The following ZNF317 variants were observed in gnomAD, a reference collection of about 807,000 sequenced individuals.
The protein encoded by ZNF317 is KRAB-containing zinc finger protein 317.
A neutral mutation model predicts 23.4 loss-of-function variants in ZNF317; 17 were observed. The observed-to-expected ratio is 0.73, with a 90% CI of 0.50 to 1.09. The LOEUF is 1.09. Ranked by LOEUF, ZNF317 falls within the 50% of genes least tolerant of loss-of-function variation. ZNF317 has a pLI of 0.00. For synonymous variants in ZNF317, 317 were observed against 314.9 expected, an observed-to-expected ratio of 1.01 and a Z score of -0.07; for missense variants, 679 against 796.7, an observed-to-expected ratio of 0.85 and a Z score of 1.78.
chr19:9,158,313 C>T (rs576153311), intron 5 of ZNF317, among the ~76,000 whole-genome samples: 46 of 150,110 alleles, frequency 3.1e-4, no homozygotes, highest in South Asian at 4.2e-4. Flanking sequence ...TCTGATCATC[C>T]GCTTTCTGTC....
Position 9,154,155 on chromosome 19 carries a change from G to A in ZNF317, c.-92-1770G>A, listed in dbSNP as rs1343214190. Among the ~76,000 whole-genome samples the A allele has an allele frequency of 2.0e-5, 3 of 152,150 alleles. No individual in the cohort carries two copies. In the East Asian group the frequency reaches 5.8e-4, roughly 29 times the overall value. Reference sequence around the variant, plus strand: ...TCTCTTTGTCATAGAAGGAAAGGAGGAGGTCATAGATCAGTTGTGAGAAGA... The same window carrying A: ...TCTCTTTGTCATAGAAGGAAAGGAGAAGGTCATAGATCAGTTGTGAGAAGA... On this transcript the variant is annotated intron_variant, in intron 1 of 6. Transcript: ENST00000247956.
At chr19:9,150,898 C>T (rs545170223) in intron 1 of ZNF317, among the ~76,000 whole-genome samples, 1 of 152,308 alleles carries the variant, frequency 6.6e-6, no homozygotes, top group East Asian at 1.9e-4. Flanking sequence ...ATGACCTTGA[C>T]CAAGTGTCTC....
In ZNF317 at chr19:9,159,133, A is replaced by G. The variant is rs144251628; in HGVS notation, c.468+225A>G. ...GAAGATTTTTATAGCTGTGTCTCAG[A>G]TATTGAGTGTTGGGGCTCAATGCAG... is the stretch of plus-strand genomic sequence containing the variant. On this transcript the variant is annotated intron_variant, in intron 6 of 6. Transcript: ENST00000247956. 2.6e-3 allele frequency among the ~76,000 whole-genome samples: 402 copies of G among 152,338 alleles called. 2 individuals carry two copies. The highest frequency in any genetic ancestry group is 8.9e-3 in the African/African-American group (368 of 41,570).
chr19:9,155,645 A>G (rs2050774995), intron 1 of ZNF317, among the ~76,000 whole-genome samples: 3 of 152,238 alleles, frequency 2.0e-5, no homozygotes, highest in Non-Finnish European at 4.4e-5. Context: ...GTCTAGGACC[A>G]GAGTGTTTAA....
At chr19:9,158,199 C>G (rs2050807137) in intron 5 of ZNF317, 124 bp downstream of exon 5, 2 of 1,257,662 alleles carry the variant, frequency 1.6e-6, no homozygotes, top group East Asian at 5.4e-5. Flanking sequence ...CCTCTTTTTG[C>G]CCATCCATTC....
Position 9,161,005 on chromosome 19 carries a change from G to C in ZNF317, c.1360G>C (p.Ala454Pro). 1.1e-5 allele frequency: 17 copies of C among 1,614,232 alleles called. No homozygotes were observed. Among genetic ancestry groups the C allele is most frequent in the Non-Finnish European group, 1.4e-5 (16 of 1,180,044 alleles). ...ATACGGGTGCGATCTCTGCGGGAAA[G>C]CTTTCAGCGCGAGTTCAAACCTCAC... ...KPYGCDLCGK[A>P]FSASSNLTAH... The change falls in exon 7 of 7, where the codon GCT becomes CCT. Residue 454 changes from alanine to proline, a missense_variant. Coordinates refer to ENST00000247956, the MANE Select transcript of ZNF317 (RefSeq NM_020933.5). This position sits in a 1 kb window ranked among gnomAD's most constrained non-coding sequence, Gnocchi z 4.0.
chr19:9,161,138 T>C lies in ZNF317; in HGVS notation c.1493T>C (p.Val498Ala). 1 of 1,613,996 alleles carries C rather than the reference T, an allele frequency of 6.2e-7. No individual in the cohort carries two copies. The highest frequency in any genetic ancestry group is 8.5e-7 in the Non-Finnish European group (1 of 1,180,006). ...CGGAGGCACATGAGCGTTCACCTTG[T>C]AAAGAAACGAGTTGAGTGTAGGCAG... is the stretch of plus-strand genomic sequence containing the variant. Reference protein sequence around the residue: ...SRRRHMSVHLVKKRVECRQCG... With the variant: ...SRRRHMSVHLAKKRVECRQCG... The change falls in exon 7 of 7, where the codon GTA (valine) becomes GCA (alanine). Residue 498 changes from valine to alanine, a missense_variant. Physicochemically the swap from Val to Ala is moderately conservative, Grantham distance 64. Coordinates refer to ENST00000247956, the MANE Select transcript of ZNF317 (RefSeq NM_020933.5). The surrounding 1 kb of genome is among the most constrained non-coding windows in gnomAD (Gnocchi z 4.0).
Position 9,156,616 on chromosome 19 carries a change from G to C in ZNF317, c.30G>C (p.Thr10=). 1.2e-6 allele frequency: 2 copies of C among 1,613,584 alleles called. No individual in the cohort carries two copies. The highest frequency in any genetic ancestry group is 1.7e-6 in the Non-Finnish European group (2 of 1,179,812). The change falls in exon 3 of 7, where the codon ACG becomes ACC. Residue 10 remains threonine (T), a synonymous_variant. Transcript: ENST00000247956. ...GAACCCTGTTTTCTCCTCCAGCCAC[G>C]TCCACCCAGGATTCCACCTGTCTCC... MAALSPTFA[T]STQDSTCLQD... is the part of the protein sequence containing the mutation.
chr19:9,160,828 T>C lies in ZNF317; in HGVS notation c.1183T>C (p.Cys395Arg), dbSNP rs1202056503. ...GGAGAAGACCTACGAATGTAAAGAA[T>C]GCGGGAAATCCTTTGGCGATCTCGT... ...MVEKTYECKECGKSFGDLVSR... is the reference protein window; with the variant it reads ...MVEKTYECKERGKSFGDLVSR... Residue 395 changes from cysteine (C) to arginine (R), a missense_variant, in exon 7 of 7, where the codon TGC becomes CGC. By Grantham distance (180) the Cys-to-Arg change is radical. Coordinates refer to ENST00000247956, the MANE Select transcript of ZNF317 (RefSeq NM_020933.5). This position sits in a 1 kb window ranked among gnomAD's most constrained non-coding sequence, Gnocchi z 6.8. 6.2e-7 allele frequency: 1 copy of C among 1,614,134 alleles called. No individual in the cohort carries two copies. Among genetic ancestry groups the C allele is most frequent in the Non-Finnish European group, 8.5e-7 (1 of 1,180,034 alleles).
intron 1 of ZNF317, among the ~76,000 whole-genome samples, chr19:9,145,248 T>C (rs553360416): frequency 1.3e-4 from 20 of 152,240 alleles, no homozygotes; most frequent in Non-Finnish European, 2.4e-4. Context: ...TTTCACCATG[T>C]TGGCCAGGCA....
intron 1 of ZNF317, among the ~76,000 whole-genome samples, chr19:9,148,862 G>A (rs769409940): frequency 2.6e-5 from 4 of 152,150 alleles, no homozygotes; most frequent in South Asian, 2.1e-4. Flanking sequence ...GCTGGCAGGG[G>A]CATGTGACTA....
At chr19:9,148,162 C>G (rs2050704658) in intron 1 of ZNF317, among the ~76,000 whole-genome samples, 1 of 152,144 alleles carries the variant, frequency 6.6e-6, no homozygotes, top group Non-Finnish European at 1.5e-5. Context: ...GAACTGTGAG[C>G]CAATTAAACC....
chr19:9,141,570 A>G (rs2050629976), intron 1 of ZNF317, among the ~76,000 whole-genome samples: 1 of 152,230 alleles, frequency 6.6e-6, no homozygotes, highest in Non-Finnish European at 1.5e-5. Context: ...AGATTTCTAA[A>G]TATCTTGTAG....
chr19:9,140,795 G>C (rs1462667158), intron 1 of ZNF317, among the ~76,000 whole-genome samples: 1 of 152,148 alleles, frequency 6.6e-6, no homozygotes, highest in South Asian at 2.1e-4. Context: ...AGCTAGTGAT[G>C]AGAGAAGCAT....
chr19:9,148,583 C>T (rs992392397), intron 1 of ZNF317, among the ~76,000 whole-genome samples: 7 of 149,698 alleles, frequency 4.7e-5, no homozygotes, highest in Non-Finnish European at 8.9e-5. Context: ...GTGGCTGTCT[C>T]AGTATGAAGG....
rs539131723 is a variant in ZNF317 at position 9,157,055 on chromosome 19, G to A, written c.163-213G>A. The A allele has an allele frequency of 1.4e-5, 9 of 652,084 alleles. No individual in the cohort carries two copies. In the South Asian group the frequency reaches 1.8e-4, roughly 13 times the overall value. The allele number at this position is 652,084 out of a possible 1,614,324, so 40.4% of individuals were successfully genotyped here. On this transcript the variant is annotated intron_variant, in intron 3 of 6. Coordinates refer to ENST00000247956, the MANE Select transcript of ZNF317 (RefSeq NM_020933.5). ...GGAGGGAGATTAGTCCCTTGTCAGG[G>A]TTGCATCTGAAGTGACGGCACAGGA...
intron 2 of ZNF317, 56 bp downstream of exon 2, chr19:9,156,097 A>T: frequency 1.2e-6 from 2 of 1,606,030 alleles, no homozygotes; most frequent in Non-Finnish European, 1.7e-6. Flanking sequence ...GGCCCCTGCC[A>T]CTTGATGGGG....
rs113562264 is a variant in ZNF317, at chr19:9,155,945, G to A, written c.-72G>A. On this transcript the variant is annotated 5_prime_UTR_variant, in exon 2 of 7. In the 5' UTR this introduces an upstream ATG that the reference lacks. Transcript: ENST00000247956. ...TACAGATGCCAGCTTGGAGAGTCAC[G>A]TGAGAGCAAGAGAGTAGCTTTCTGG... The A allele has an allele frequency of 4.7e-5, 75 of 1,594,232 alleles. No individual in the cohort carries two copies. The highest frequency in any genetic ancestry group is 3.0e-4 in the African/African-American group (22 of 74,510).
Position 9,160,055 on chromosome 19 carries a change from C to T in ZNF317, c.469-59C>T. On this transcript the variant is annotated intron_variant, in intron 6 of 6. Transcript: ENST00000247956. The surrounding 1 kb of genome is among the most constrained non-coding windows in gnomAD (Gnocchi z 6.8). ...CATAGCAGTGTATGTGGGGATGACG[C>T]TTAGGGTTGCAATGAATATGAGAAT... 2 of 1,601,830 alleles carry T rather than the reference C, an allele frequency of 1.2e-6. No homozygotes were observed. The highest frequency in any genetic ancestry group is 1.7e-6 in the Non-Finnish European group (2 of 1,173,028).
Sources: allele counts gnomAD v4.1 joint callset (sites outside exome capture counted in the v4.1 genomes callset), GRCh38; gene constraint gnomAD v4.1.1; non-coding constraint Gnocchi (gnomAD v3.1); transcripts MANE v1.5; gene names NCBI Gene and HGNC (gene_info 2026-07-23, HGNC 2026-07-21).